The following CDH13 variants were observed in gnomAD, a reference collection of about 807,000 sequenced individuals.
CDH13 encodes the protein cadherin-13.
A neutral mutation model predicts 63.8 loss-of-function variants in CDH13; 24 were observed. The observed-to-expected ratio is 0.38, with a 90% CI of 0.27 to 0.53. The LOEUF is 0.53. Ranked by LOEUF, CDH13 falls within the 20% of genes least tolerant of loss-of-function variation. The pLI, the probability that CDH13 is intolerant of heterozygous loss-of-function variation, is 0.85. For missense variants in CDH13, 1,049 were observed against 903.1 expected, an observed-to-expected ratio of 1.16 and a Z score of -2.07; for synonymous variants, 503 against 355.3, an observed-to-expected ratio of 1.42 and a Z score of -4.67.
At chr16:82,687,048 C>T (rs1247580556) in intron 1 of CDH13, among the ~76,000 whole-genome samples, 1 of 152,210 alleles carries the variant, frequency 6.6e-6, no homozygotes, top group Non-Finnish European at 1.5e-5. Context: ...GAATCTGCCT[C>T]AGACATTGTA....
chr16:83,006,903 T>A (rs201036742), intron 2 of CDH13, among the ~76,000 whole-genome samples: 15,880 of 142,360 alleles, frequency 0.11, 1,282 homozygotes, highest in East Asian at 0.27. Flanking sequence ...GTTTTGATTT[T>A]TTTTGTTTGT....
At chr16:82,861,482 G>A (rs182171377) in intron 2 of CDH13, among the ~76,000 whole-genome samples, 2 of 152,276 alleles carry the variant, frequency 1.3e-5, no homozygotes, top group Admixed American at 1.3e-4. Flanking sequence ...TGTGTGTTCA[G>A]CTTTTAGCAG....
At chr16:83,597,765 A>T (rs1285537616) in intron 7 of CDH13, among the ~76,000 whole-genome samples, 1 of 152,208 alleles carries the variant, frequency 6.6e-6, no homozygotes, top group South Asian at 2.1e-4. Flanking sequence ...TTATAGGTGC[A>T]AAGTTTTATT....
chr16:83,282,240 C>T (rs2089196425), intron 5 of CDH13, among the ~76,000 whole-genome samples: 1 of 152,122 alleles, frequency 6.6e-6, no homozygotes, highest in African/African-American at 2.4e-5. Context: ...GATCTCAGAT[C>T]ATCATAAGAG....
chr16:83,153,614 G>A (rs1000349943), intron 4 of CDH13, among the ~76,000 whole-genome samples: 1 of 152,214 alleles, frequency 6.6e-6, no homozygotes, highest in African/African-American at 2.4e-5. Flanking sequence ...TTCGAGGCAA[G>A]ATGGAGTCAC....
chr16:82,894,666 T>A (rs548885353), intron 2 of CDH13, among the ~76,000 whole-genome samples: 7 of 148,678 alleles, frequency 4.7e-5, no homozygotes, highest in African/African-American at 1.8e-4. Flanking sequence ...AAGAAAACAA[T>A]AATATAATTC....
At chr16:83,575,857 A>C (rs1905053198) in intron 7 of CDH13, among the ~76,000 whole-genome samples, 1 of 152,232 alleles carries the variant, frequency 6.6e-6, no homozygotes, top group Admixed American at 6.5e-5. Flanking sequence ...AGCAAGGTCC[A>C]GGACTATTTC....
rs574003484 is a variant in CDH13 at position 82,814,506 on chromosome 16, C to T, written c.46-43856C>T. On this transcript the variant is annotated intron_variant, in intron 1 of 13. Coordinates refer to ENST00000567109, the MANE Select transcript of CDH13 (RefSeq NM_001257.5). Reference sequence around the variant, plus strand: ...AAGCCTCCATGATAACCCCAAAGGACAGGGGTTAAAGGGCTTCCAGGTTGC... The same window carrying T: ...AAGCCTCCATGATAACCCCAAAGGATAGGGGTTAAAGGGCTTCCAGGTTGC... Among the ~76,000 whole-genome samples the T allele has an allele frequency of 3.3e-5, 5 of 152,222 alleles. No homozygotes were observed. The South Asian group carries it at 8.3e-4, about 25-fold the overall frequency.
chr16:82,974,749 C>G (rs1445878010), intron 2 of CDH13, among the ~76,000 whole-genome samples: 4 of 152,016 alleles, frequency 2.6e-5, no homozygotes, highest in Admixed American at 6.6e-5. Context: ...AGGAAGGGGC[C>G]AGGAGTCAAG....
intron 1 of CDH13, among the ~76,000 whole-genome samples, chr16:82,794,153 A>T (rs1347977753): frequency 6.7e-6 from 1 of 150,264 alleles, no homozygotes; most frequent in Non-Finnish European, 1.5e-5. Flanking sequence ...AGGTTATGAA[A>T]TTTTTTTGCA....
At chr16:83,396,979 C>A (rs1214172392) in intron 6 of CDH13, among the ~76,000 whole-genome samples, 2 of 152,166 alleles carry the variant, frequency 1.3e-5, no homozygotes, top group East Asian at 3.9e-4. Context: ...CATGGTTACA[C>A]AGCTACTAGT....
intron 2 of CDH13, among the ~76,000 whole-genome samples, chr16:82,983,277 G>C (rs909854138): frequency 1.3e-5 from 2 of 152,114 alleles, no homozygotes; most frequent in African/African-American, 4.8e-5. Flanking sequence ...CTCAAGGTCA[G>C]ATTTTCATCT....
chr16:83,316,681 T>A (rs2090111962), intron 5 of CDH13, among the ~76,000 whole-genome samples: 2 of 152,222 alleles, frequency 1.3e-5, no homozygotes, highest in Admixed American at 1.3e-4. Context: ...CAGAGTTTAA[T>A]GTTAGAAATA....
At chr16:82,849,094 A>G (rs2039380213) in intron 1 of CDH13, among the ~76,000 whole-genome samples, 1 of 152,202 alleles carries the variant, frequency 6.6e-6, no homozygotes. Context: ...GCAAGGCCTT[A>G]ACTCTATTCA....
intron 3 of CDH13, among the ~76,000 whole-genome samples, chr16:83,097,009 A>G (rs559106974): frequency 6.6e-6 from 1 of 152,262 alleles, no homozygotes; most frequent in East Asian, 1.9e-4. Context: ...GATTGAGTGT[A>G]CCTCTGGAGA....
chr16:82,870,347 AC>A (rs2040300049), intron 2 of CDH13, among the ~76,000 whole-genome samples: 2 of 152,052 alleles, frequency 1.3e-5, no homozygotes, highest in African/African-American at 4.8e-5. Context: ...AGAAAAGGAA[AC>A]CCTCATACAC....
At chr16:83,579,944 C>T (rs767399533) in intron 7 of CDH13, among the ~76,000 whole-genome samples, 109 of 152,206 alleles carry the variant, frequency 7.2e-4, no homozygotes, top group Admixed American at 1.6e-3. Flanking sequence ...CTGGGAGACA[C>T]CTGGACGGAG....
At chr16:82,835,192 A>G (rs1351531736) in intron 1 of CDH13, among the ~76,000 whole-genome samples, 2 of 152,194 alleles carry the variant, frequency 1.3e-5, no homozygotes, top group Non-Finnish European at 2.9e-5. Context: ...TCCAGTGTGC[A>G]TTTTGCACTT....
At chr16:83,419,149 C>T (rs1043666821) in intron 6 of CDH13, among the ~76,000 whole-genome samples, 2 of 152,158 alleles carry the variant, frequency 1.3e-5, no homozygotes, top group African/African-American at 4.8e-5. Context: ...GATGCTGCTG[C>T]TTGCTTTTCA....
Sources: allele counts gnomAD v4.1 joint callset (sites outside exome capture counted in the v4.1 genomes callset), GRCh38; gene constraint gnomAD v4.1.1; transcripts MANE v1.5; gene names NCBI Gene and HGNC (gene_info 2026-07-23, HGNC 2026-07-21).